UNC13C: variants seen among roughly 807,000 people sequenced by gnomAD.
UNC13C encodes protein unc-13 homolog C.
In UNC13C, 174 loss-of-function variants were observed where a neutral mutation model predicts 245.4. The observed-to-expected ratio is 0.71, with a 90% CI of 0.63 to 0.80. The LOEUF (loss-of-function observed/expected upper bound fraction) is 0.80, where lower values mean the gene tolerates loss of function less well. Ranked by LOEUF, UNC13C falls within the 30% of genes least tolerant of loss-of-function variation. UNC13C has a pLI of 0.00. For synonymous variants in UNC13C, 992 were observed against 895.1 expected, an observed-to-expected ratio of 1.11 and a Z score of -1.93; for missense variants, 2,829 against 2,602.9, an observed-to-expected ratio of 1.09 and a Z score of -1.89.
chr15:54,121,748 T>A (rs2030682021), intron 2 of UNC13C, among the ~76,000 whole-genome samples: 1 of 152,106 alleles, frequency 6.6e-6, no homozygotes, highest in African/African-American at 2.4e-5. Context: ...TAGAAGACTG[T>A]ATCTTTATAT....
chr15:53,878,226 A>T, the UNC13C span, among the ~76,000 whole-genome samples: 1 of 152,146 alleles, frequency 6.6e-6, no homozygotes, highest in Non-Finnish European at 1.5e-5. Context: ...TAGAAACTCC[A>T]TCTGTGATCA....
At chr15:54,472,028 C>T (rs1892489495) in intron 19 of UNC13C, among the ~76,000 whole-genome samples, 2 of 151,712 alleles carry the variant, frequency 1.3e-5, no homozygotes, top group Admixed American at 6.6e-5. Flanking sequence ...TTTGCAGATC[C>T]TTTATTCCTT....
chr15:54,553,344 A>C (rs1329835454), intron 28 of UNC13C, among the ~76,000 whole-genome samples: 1 of 123,510 alleles, frequency 8.1e-6, no homozygotes, highest in Non-Finnish European at 1.6e-5. Flanking sequence ...AATTGAATAT[A>C]TTGTAATATA....
intron 15 of UNC13C, 79 bp from the exon 16 acceptor site, chr15:54,333,688 G>A: frequency 1.2e-6 from 1 of 839,104 alleles, no homozygotes; most frequent in Non-Finnish European, 1.9e-6. Flanking sequence ...TTTCTTTCAT[G>A]AGAAGCTAGT....
chr15:54,046,900 TA>T (rs200011537), intron 2 of UNC13C, among the ~76,000 whole-genome samples: 5 of 151,056 alleles, frequency 3.3e-5, no homozygotes, highest in Admixed American at 2.0e-4. Flanking sequence ...AGATTTCTAT[TA>T]AAAAAAAACT....
At chr15:54,325,742 T>A (rs1161552815) in intron 14 of UNC13C, among the ~76,000 whole-genome samples, 1 of 152,086 alleles carries the variant, frequency 6.6e-6, no homozygotes, top group Non-Finnish European at 1.5e-5. Flanking sequence ...GTATTAACTT[T>A]ATAACAACAT....
At chr15:54,482,899 G>T (rs535537082) in intron 19 of UNC13C, among the ~76,000 whole-genome samples, 57 of 152,220 alleles carry the variant, frequency 3.7e-4, no homozygotes, top group Non-Finnish European at 6.0e-4. Flanking sequence ...TTGTAAATGA[G>T]AATTTCTTAT....
intron 30 of UNC13C, among the ~76,000 whole-genome samples, chr15:54,579,426 C>A (rs1898105566): frequency 6.6e-6 from 1 of 152,026 alleles, no homozygotes; most frequent in Non-Finnish European, 1.5e-5. Flanking sequence ...TCTTTTAAGG[C>A]CTTGGATTTA....
At chr15:54,410,742 C>T (rs1411672354) in intron 18 of UNC13C, among the ~76,000 whole-genome samples, 3 of 151,988 alleles carry the variant, frequency 2.0e-5, no homozygotes, top group African/African-American at 7.2e-5. Context: ...CAGTATCATG[C>T]TGTTATGGTT....
At position 54,007,184 on chromosome 15, in the gene UNC13C, G is replaced by A. The variant is rs370811312; in HGVS notation, c.-256-5464G>A. ...TGAAAAGCAGAGGCTTTCTTTCTAT[G>A]TTCTTGTAGGAAAATAATTCTAATC... On this transcript the variant is annotated intron_variant, in intron 1 of 32. Transcript: ENST00000260323. Among the ~76,000 whole-genome samples the A allele has an allele frequency of 5.9e-5, 9 of 152,186 alleles. No individual in the cohort carries two copies. In the South Asian group the frequency reaches 1.9e-3, roughly 31 times the overall value.
At chr15:53,925,170 T>A in the UNC13C span, among the ~76,000 whole-genome samples, 1 of 151,372 alleles carries the variant, frequency 6.6e-6, no homozygotes, top group African/African-American at 2.4e-5. Context: ...TGTAACCAGC[T>A]GATGTGACTG....
At chr15:54,467,282 A>G (rs1348671371) in intron 19 of UNC13C, among the ~76,000 whole-genome samples, 1 of 151,816 alleles carries the variant, frequency 6.6e-6, no homozygotes, top group African/African-American at 2.4e-5. Flanking sequence ...TGATGAAACT[A>G]ATTATGATAA....
At chr15:54,348,689 T>C (rs935968501) in intron 17 of UNC13C, among the ~76,000 whole-genome samples, 1 of 152,184 alleles carries the variant, frequency 6.6e-6, no homozygotes, top group Non-Finnish European at 1.5e-5. Context: ...TTCTCAGTTA[T>C]TTTAACCCAA....
At chr15:53,927,507 C>A in the UNC13C span, among the ~76,000 whole-genome samples, 3 of 152,172 alleles carry the variant, frequency 2.0e-5, no homozygotes, top group Non-Finnish European at 4.4e-5. Context: ...AGGAGCTAAA[C>A]ATCTCAGTTG....
chr15:54,365,234 C>T (rs777057387), intron 17 of UNC13C, among the ~76,000 whole-genome samples: 1 of 152,076 alleles, frequency 6.6e-6, no homozygotes, highest in Non-Finnish European at 1.5e-5. Context: ...TATAACTCTT[C>T]CCCTTCTGGC....
chr15:54,010,210 T>A (rs1380098274), intron 1 of UNC13C, among the ~76,000 whole-genome samples: 1 of 152,176 alleles, frequency 6.6e-6, no homozygotes. Flanking sequence ...TGACAAACAG[T>A]ATGAGTCTAT....
the UNC13C span, among the ~76,000 whole-genome samples, chr15:53,860,569 C>T: frequency 8.5e-4 from 129 of 152,230 alleles, no homozygotes; most frequent in Middle Eastern, 3.4e-3. Context: ...AAATCTGAAT[C>T]TCTCTTAGAA....
intron 1 of UNC13C, among the ~76,000 whole-genome samples, chr15:53,998,859 T>A (rs1894753409): frequency 6.6e-6 from 1 of 152,104 alleles, no homozygotes; most frequent in African/African-American, 2.4e-5. Context: ...TGTACATAAG[T>A]GATTATATGC....
chr15:54,280,650 A>G (rs746634600), intron 10 of UNC13C, among the ~76,000 whole-genome samples: 15 of 147,700 alleles, frequency 1.0e-4, no homozygotes, highest in Admixed American at 4.1e-4. Context: ...ATATAAACAT[A>G]TATGTATGTA....
Sources: gnomAD v4.1 joint callset for allele counts (sites outside exome capture counted in the v4.1 genomes callset) on GRCh38, gnomAD v4.1.1 for gene constraint, MANE v1.5 for transcripts, NCBI Gene and HGNC (gene_info 2026-07-23, HGNC 2026-07-21) for gene names.